The following RMDN2 variants were observed in gnomAD, a reference collection of about 807,000 sequenced individuals.
The protein encoded by RMDN2 is regulator of microtubule dynamics protein 2.
Under a neutral mutation model 52.8 loss-of-function variants are expected in RMDN2, and 61 were observed. The observed-to-expected ratio is 1.16, with a 90% CI of 0.94 to 1.43. RMDN2 has a LOEUF of 1.43. RMDN2 is among the 40% of genes most tolerant of loss of function. RMDN2 has a pLI of 0.00. For missense variants in RMDN2, 592 were observed against 475.3 expected (o/e 1.25, Z -2.28); for synonymous variants, 180 against 153.1 (o/e 1.18, Z -1.30).
intron 1 of RMDN2, among the ~76,000 whole-genome samples, chr2:37,927,562 C>T (rs960154844): frequency 6.6e-6 from 1 of 152,154 alleles, no homozygotes; most frequent in African/African-American, 2.4e-5. Flanking sequence ...TATTTTCAAA[C>T]TAGGCTATAT....
At chr2:38,055,457 C>A (rs538230080) in intron 10 of RMDN2, among the ~76,000 whole-genome samples, 9 of 152,164 alleles carry the variant, frequency 5.9e-5, no homozygotes. Flanking sequence ...CCTTACTCAA[C>A]TGTGTCCTAT....
At chr2:38,010,985 C>T (rs927046751) in intron 10 of RMDN2, among the ~76,000 whole-genome samples, 2 of 152,182 alleles carry the variant, frequency 1.3e-5, no homozygotes, top group African/African-American at 2.4e-5. Context: ...CATCCTGATC[C>T]TTGTTAGATG....
chr2:38,006,667 TCC>T (rs1328579585), intron 10 of RMDN2, among the ~76,000 whole-genome samples: 79 of 152,306 alleles, frequency 5.2e-4, no homozygotes, highest in African/African-American at 1.8e-3. Flanking sequence ...CAATTTGACT[TCC>T]TCTTTTCCTA....
chr2:37,966,819 C>G (rs752454376), intron 2 of RMDN2, among the ~76,000 whole-genome samples: 24 of 151,896 alleles, frequency 1.6e-4, no homozygotes, highest in Non-Finnish European at 2.9e-4. Flanking sequence ...TTTTTTGCAC[C>G]AAAATAAGCT....
Position 37,975,040 on chromosome 2 carries a change from A to G in RMDN2, c.628-172A>G, listed in dbSNP as rs182919783. On this transcript the variant is annotated intron_variant, in intron 3 of 10. Transcript: ENST00000354545. ...CTACATTAGGTCATATTTCTTAGCC[A>G]TGAGTATTTGGATTAAAAATGTTTC... The G allele has an allele frequency of 2.3e-4, 140 of 606,724 alleles. 1 individual carries two copies. Among genetic ancestry groups the G allele is most frequent in the Non-Finnish European group, 2.4e-4 (82 of 341,712 alleles). 37.6% of individuals were successfully genotyped at this position (606,724 alleles called of 1,614,324 possible). A position where few individuals can be genotyped will look rare whatever the true frequency, so the allele number is the denominator to read the frequency against.
intron 2 of RMDN2, chr2:37,951,993 C>G: frequency 6.2e-7 from 1 of 1,613,138 alleles, no homozygotes; most frequent in Non-Finnish European, 8.5e-7. Flanking sequence ...CAGCACAGAT[C>G]ATTCTCCAAT....
chr2:38,038,302 C>A (rs1417252963), intron 10 of RMDN2, among the ~76,000 whole-genome samples: 1 of 152,122 alleles, frequency 6.6e-6, no homozygotes, highest in Non-Finnish European at 1.5e-5. Flanking sequence ...ACGCCGACTG[C>A]GAGTCTCTTT....
rs1360960070 is a variant in RMDN2, at chr2:38,017,223, C to G, written c.1217C>G (p.Thr406Ser). 33 of 1,533,132 alleles carry G rather than the reference C, an allele frequency of 2.2e-5. No homozygotes were observed. The highest frequency in any genetic ancestry group is 2.7e-5 in the Non-Finnish European group (31 of 1,137,668). The allele number at this position is 1,533,132 out of a possible 1,614,324, so 95.0% of individuals were successfully genotyped here. A position where few individuals can be genotyped will look rare whatever the true frequency, so the allele number is the denominator to read the frequency against. Residue 406 changes from threonine (T) to serine (S), a missense_variant, in exon 11 of 11, where the codon ACT (threonine) becomes AGT (serine). Transcript: ENST00000354545. ...EAQKEMQKIM[T>S]SLKR is the part of the protein sequence containing the mutation. ...CAGAAAGAGATGCAAAAAATAATGA[C>G]TTCCTTGAAGAGGTAAATAAACGAA...
intron 2 of RMDN2, among the ~76,000 whole-genome samples, chr2:37,965,569 A>T (rs1670929678): frequency 6.6e-6 from 1 of 152,134 alleles, no homozygotes; most frequent in Non-Finnish European, 1.5e-5. Context: ...TATTATCATT[A>T]ATCTAGAATC....
chr2:38,063,187 C>G (rs183780949), intron 10 of RMDN2, among the ~76,000 whole-genome samples: 2 of 152,316 alleles, frequency 1.3e-5, no homozygotes, highest in East Asian at 3.9e-4. Flanking sequence ...CCTCAGGAAT[C>G]GCCACACTGA....
At chr2:38,066,815 T>C (rs1321620252) in intron 10 of RMDN2, 4 of 612,938 alleles carry the variant, frequency 6.5e-6, no homozygotes, top group African/African-American at 3.7e-5. Flanking sequence ...TTCTTAACTG[T>C]CCTGACATTT....
At chr2:37,996,936 T>C (rs562459973) in intron 7 of RMDN2, among the ~76,000 whole-genome samples, 2 of 152,148 alleles carry the variant, frequency 1.3e-5, no homozygotes, top group Non-Finnish European at 2.9e-5. Flanking sequence ...TCTATTTACA[T>C]ATCTGAGATG....
intron 1 of RMDN2, among the ~76,000 whole-genome samples, chr2:37,927,076 A>T (rs189228543): frequency 6.6e-6 from 1 of 152,320 alleles, no homozygotes; most frequent in African/African-American, 2.4e-5. Flanking sequence ...TTATGCTGTT[A>T]TAAAACTCAA....
chr2:38,062,979 G>A (rs1682119460), intron 10 of RMDN2, among the ~76,000 whole-genome samples: 1 of 152,062 alleles, frequency 6.6e-6, no homozygotes. Flanking sequence ...AGTATTCCAT[G>A]GTGTATATGT....
chr2:38,043,134 C>T (rs554851585), intron 10 of RMDN2, among the ~76,000 whole-genome samples: 1 of 152,144 alleles, frequency 6.6e-6, no homozygotes, highest in Non-Finnish European at 1.5e-5. Context: ...TTTCTCCCTG[C>T]AATCTTAACT....
intron 10 of RMDN2, among the ~76,000 whole-genome samples, chr2:38,065,502 G>A (rs895135024): frequency 5.9e-5 from 9 of 152,068 alleles, no homozygotes; most frequent in African/African-American, 1.2e-4. Flanking sequence ...CACCTAAAGG[G>A]GCCTCAAATG....
intron 2 of RMDN2, among the ~76,000 whole-genome samples, chr2:37,958,726 G>C (rs752761113): frequency 1.3e-5 from 2 of 150,874 alleles, no homozygotes; most frequent in African/African-American, 2.5e-5. Flanking sequence ...GGGTTTCAAA[G>C]GGAATGCTTC....
At chr2:37,983,435 A>G (rs1446924932) in intron 5 of RMDN2, among the ~76,000 whole-genome samples, 2 of 152,140 alleles carry the variant, frequency 1.3e-5, no homozygotes, top group Admixed American at 6.5e-5. Flanking sequence ...CTTGTTTATA[A>G]TCATAGCATT....
At chr2:38,000,038 G>A (rs1012855454) in intron 8 of RMDN2, among the ~76,000 whole-genome samples, 1 of 152,146 alleles carries the variant, frequency 6.6e-6, no homozygotes, top group African/African-American at 2.4e-5. Flanking sequence ...CATGTTAAAT[G>A]TTCTAACTAA....
Sources: gnomAD v4.1 joint callset for allele counts (sites outside exome capture counted in the v4.1 genomes callset) on GRCh38, gnomAD v4.1.1 for gene constraint, MANE v1.5 for transcripts, NCBI Gene and HGNC (gene_info 2026-07-23, HGNC 2026-07-21) for gene names.